The following CSMD1 variants were observed in gnomAD, a reference collection of about 807,000 sequenced individuals.
CSMD1 encodes the protein CUB and Sushi multiple domains 1.
Under a neutral mutation model 417.5 loss-of-function variants are expected in CSMD1, and 213 were observed. That is an observed-to-expected ratio of 0.51 (90% CI 0.46 to 0.57). The LOEUF is 0.57. Ranked by LOEUF, CSMD1 falls within the 20% of genes least tolerant of loss-of-function variation. The pLI, the probability that CSMD1 is intolerant of heterozygous loss-of-function variation, is 0.00. For missense variants in CSMD1, 6,923 were observed against 4,529.7 expected (o/e 1.53, Z -15.17); for synonymous variants, 2,862 against 1,736.8 (o/e 1.65, Z -16.11).
chr8:3,295,291 A>T (rs143606356), intron 25 of CSMD1, among the ~76,000 whole-genome samples: 2,599 of 151,570 alleles, frequency 0.017, 77 homozygotes, highest in African/African-American at 0.06. Flanking sequence ...CACATGGCTA[A>T]TTTTTTTGTA....
intron 5 of CSMD1, among the ~76,000 whole-genome samples, chr8:3,812,577 G>C (rs899241149): frequency 6.6e-6 from 1 of 152,142 alleles, no homozygotes. Context: ...TTGCTTATGA[G>C]GAAATAAATA....
chr8:4,460,438 A>T (rs762281122), intron 2 of CSMD1, among the ~76,000 whole-genome samples: 19 of 152,290 alleles, frequency 1.2e-4, no homozygotes, highest in Non-Finnish European at 2.1e-4. Context: ...AAAAAGTACA[A>T]GCTAAACTTA....
intron 11 of CSMD1, among the ~76,000 whole-genome samples, chr8:3,475,836 C>T (rs1786345755): frequency 6.6e-6 from 1 of 152,180 alleles, no homozygotes; most frequent in South Asian, 2.1e-4. Flanking sequence ...TTGTGAGTAC[C>T]TTTAACTCTT....
rs778453024 is a variant in CSMD1 at position 2,974,470 on chromosome 8, C to A, written c.8721G>T (p.Gly2907=). 1 of 1,610,408 alleles carries A rather than the reference C, an allele frequency of 6.2e-7. No individual in the cohort carries two copies. The highest frequency in any genetic ancestry group is 8.5e-7 in the Non-Finnish European group (1 of 1,177,416). ...RVCQEDSHWS[G]ALPHCTGNNP... ...CCTCACCTGTGCAGTGGGGCAGTGC[C>A]CCGCTCCAGTGACTGTCTTCCTGGC... Residue 2907 remains glycine (G), a synonymous_variant, in exon 56 of 70, where the codon GGG becomes GGT. Transcript: ENST00000635120.
intron 4 of CSMD1, among the ~76,000 whole-genome samples, chr8:4,028,653 T>C (rs992206324): frequency 2.0e-5 from 3 of 152,226 alleles, no homozygotes; most frequent in Admixed American, 2.0e-4. Flanking sequence ...CAGACTTGTG[T>C]TTGGGTCATA....
chr8:4,294,412 G>A (rs770439325), intron 3 of CSMD1, among the ~76,000 whole-genome samples: 1 of 152,140 alleles, frequency 6.6e-6, no homozygotes, highest in Non-Finnish European at 1.5e-5. Context: ...TACTTGAATA[G>A]CTAATGTTTA....
intron 3 of CSMD1, among the ~76,000 whole-genome samples, chr8:4,074,049 T>C (rs1031092402): frequency 6.6e-6 from 1 of 152,094 alleles, no homozygotes; most frequent in Non-Finnish European, 1.5e-5. Context: ...AGACATTTAG[T>C]TTTGTTATAA....
intron 30 of CSMD1, among the ~76,000 whole-genome samples, chr8:3,214,140 G>A (rs149643806): frequency 2.2e-3 from 336 of 152,118 alleles, no homozygotes; most frequent in African/African-American, 7.9e-3. Flanking sequence ...TACCACGCCC[G>A]GCTAGAAGTA....
chr8:3,586,645 A>G (rs1296573535), intron 8 of CSMD1, among the ~76,000 whole-genome samples: 2 of 152,308 alleles, frequency 1.3e-5, no homozygotes, highest in East Asian at 3.9e-4. Flanking sequence ...GTGAATAAAT[A>G]TTTTACAAAA....
intron 3 of CSMD1, among the ~76,000 whole-genome samples, chr8:4,120,729 G>A (rs953091497): frequency 2.0e-5 from 3 of 152,200 alleles, no homozygotes; most frequent in African/African-American, 4.8e-5. Flanking sequence ...CTCATGCAGA[G>A]AATGTCAGGC....
chr8:3,168,744 T>C (rs921974215), intron 37 of CSMD1, among the ~76,000 whole-genome samples: 2 of 152,046 alleles, frequency 1.3e-5, no homozygotes, highest in African/African-American at 2.4e-5. Flanking sequence ...GAAATTTAGA[T>C]TGTAGAGGTA....
At chr8:4,907,113 C>T (rs964037389) in intron 1 of CSMD1, among the ~76,000 whole-genome samples, 4 of 152,172 alleles carry the variant, frequency 2.6e-5, no homozygotes, top group Non-Finnish European at 4.4e-5. Flanking sequence ...ATAATTGCTG[C>T]TTTCTGTGTG....
intron 2 of CSMD1, among the ~76,000 whole-genome samples, chr8:4,514,299 T>C (rs922248326): frequency 6.6e-6 from 1 of 152,128 alleles, no homozygotes; most frequent in African/African-American, 2.4e-5. Context: ...TATTATCTCA[T>C]TTAACCTTAA....
chr8:4,306,235 G>T (rs1037448505), intron 3 of CSMD1, among the ~76,000 whole-genome samples: 5 of 152,102 alleles, frequency 3.3e-5, no homozygotes, highest in African/African-American at 1.2e-4. Context: ...AAAATATCAC[G>T]ACACTAACAA....
intron 12 of CSMD1, among the ~76,000 whole-genome samples, chr8:3,418,762 C>A (rs75797943): frequency 6.6e-6 from 1 of 151,946 alleles, no homozygotes; most frequent in South Asian, 2.1e-4. Flanking sequence ...TGCAGACACA[C>A]GGGATTGCAC....
In CSMD1 at chr8:4,207,729, T is replaced by G. The variant is rs1298098251; in HGVS notation, c.416-175630A>C. On this transcript the variant is annotated intron_variant, in intron 3 of 69. Coordinates refer to ENST00000635120, the MANE Select transcript of CSMD1 (RefSeq NM_033225.6). Reference sequence around the variant, plus strand: ...TCTGATGAGTGTATTAATAGCAAAATAACAGTAGATACTGTAACATTTCGA... The same window carrying G: ...TCTGATGAGTGTATTAATAGCAAAAGAACAGTAGATACTGTAACATTTCGA... 2.6e-5 allele frequency among the ~76,000 whole-genome samples: 4 copies of G among 152,108 alleles called. No homozygotes were observed. In the East Asian group the frequency reaches 7.7e-4, roughly 29 times the overall value.
chr8:3,594,743 G>T (rs1320217806), intron 8 of CSMD1, among the ~76,000 whole-genome samples: 1 of 152,164 alleles, frequency 6.6e-6, no homozygotes, highest in Non-Finnish European at 1.5e-5. Context: ...ACAAAGCACA[G>T]AAGTATGGAA....
At chr8:4,377,902 G>C (rs570225666) in intron 3 of CSMD1, among the ~76,000 whole-genome samples, 3 of 152,284 alleles carry the variant, frequency 2.0e-5, no homozygotes, top group African/African-American at 4.8e-5. Flanking sequence ...GGATTACTTT[G>C]TATAGTACTT....
At chr8:3,261,219 A>G (rs182425779) in intron 26 of CSMD1, among the ~76,000 whole-genome samples, 283 of 152,332 alleles carry the variant, frequency 1.9e-3, no homozygotes, top group Non-Finnish European at 3.7e-3. Context: ...AAAATATCAA[A>G]TGTTGCATAG....
Sources: allele counts gnomAD v4.1 joint callset (sites outside exome capture counted in the v4.1 genomes callset), GRCh38; gene constraint gnomAD v4.1.1; transcripts MANE v1.5; gene names NCBI Gene and HGNC (gene_info 2026-07-23, HGNC 2026-07-21).